The following CCSER1 variants were observed in gnomAD, a reference collection of about 807,000 sequenced individuals.
CCSER1 encodes coiled-coil serine rich protein 1, also known as serine-rich coiled-coil domain-containing protein 1.
Under a neutral mutation model 82.0 loss-of-function variants are expected in CCSER1, and 41 were observed. The ratio of observed to expected loss-of-function variants is 0.50; its 90% CI spans 0.39 to 0.65. The LOEUF (loss-of-function observed/expected upper bound fraction) is 0.65. CCSER1 is among the 30% of genes least tolerant of loss of function. The pLI is 0.00. For missense variants in CCSER1, 1,119 were observed against 1,064.2 expected, an observed-to-expected ratio of 1.05 and a Z score of -0.72; for synonymous variants, 414 against 383.9, an observed-to-expected ratio of 1.08 and a Z score of -0.92.
chr4:91,347,564 T>C (rs1412436747), intron 10 of CCSER1, among the ~76,000 whole-genome samples: 2 of 152,052 alleles, frequency 1.3e-5, no homozygotes, highest in East Asian at 1.9e-4. Flanking sequence ...TTGGGAAGAA[T>C]TGAAATCTTG....
chr4:91,570,006 A>T (rs1271015990), intron 10 of CCSER1, among the ~76,000 whole-genome samples: 1 of 152,170 alleles, frequency 6.6e-6, no homozygotes, highest in Non-Finnish European at 1.5e-5. Flanking sequence ...AAATACACCC[A>T]TTCCAAATGG....
chr4:90,863,088 G>A (rs55765718), intron 8 of CCSER1, among the ~76,000 whole-genome samples: 24,250 of 144,634 alleles, frequency 0.17, 2,336 homozygotes, highest in Non-Finnish European at 0.22. Flanking sequence ...ATCCCTCCCC[G>A]CTCCCCCCAC....
intron 3 of CCSER1, among the ~76,000 whole-genome samples, chr4:90,395,760 T>A (rs1470624890): frequency 1.3e-5 from 2 of 152,010 alleles, no homozygotes; most frequent in East Asian, 1.9e-4. Context: ...TTTGCTTGTG[T>A]TATTTAACAC....
chr4:91,030,993 C>G (rs1053554644), intron 9 of CCSER1, among the ~76,000 whole-genome samples: 5 of 152,130 alleles, frequency 3.3e-5, no homozygotes, highest in Non-Finnish European at 5.9e-5. Flanking sequence ...TAGTTTCAGA[C>G]TGTTAGCCAG....
chr4:91,288,327 G>T (rs576032114), intron 10 of CCSER1, among the ~76,000 whole-genome samples: 9 of 151,884 alleles, frequency 5.9e-5, no homozygotes, highest in African/African-American at 1.9e-4. Context: ...CCATCAGAGA[G>T]TTAAAGTCAC....
intron 5 of CCSER1, among the ~76,000 whole-genome samples, chr4:90,556,860 A>G (rs1196754561): frequency 1.3e-5 from 2 of 149,384 alleles, no homozygotes; most frequent in Non-Finnish European, 2.9e-5. Flanking sequence ...ATGTGTATAT[A>G]TATATATATA....
At chr4:90,905,244 G>C (rs1012704758) in intron 8 of CCSER1, among the ~76,000 whole-genome samples, 4 of 151,704 alleles carry the variant, frequency 2.6e-5, no homozygotes, top group African/African-American at 9.7e-5. Context: ...AAATACAATT[G>C]AATTGTGCTA....
chr4:90,784,262 G>A (rs1754183195), intron 7 of CCSER1, among the ~76,000 whole-genome samples: 3 of 152,126 alleles, frequency 2.0e-5, no homozygotes. Flanking sequence ...TGAAAAACCT[G>A]TCTTTTCCCC....
At chr4:91,543,893 TG>T (rs1335807901) in intron 10 of CCSER1, among the ~76,000 whole-genome samples, 1 of 152,254 alleles carries the variant, frequency 6.6e-6, no homozygotes, top group Non-Finnish European at 1.5e-5. Flanking sequence ...TCCGGCAGAT[TG>T]TTTTCCAACT....
intron 10 of CCSER1, among the ~76,000 whole-genome samples, chr4:91,313,226 T>C (rs923114311): frequency 2.6e-5 from 4 of 151,938 alleles, no homozygotes; most frequent in African/African-American, 7.2e-5. Flanking sequence ...AATATTTTTA[T>C]ATAATTAGTT....
intron 5 of CCSER1, among the ~76,000 whole-genome samples, chr4:90,532,709 T>C (rs1774700292): frequency 6.6e-6 from 1 of 152,212 alleles, no homozygotes; most frequent in South Asian, 2.1e-4. Context: ...TATGGACTTC[T>C]ACCAAAATTC....
At chr4:91,522,465 G>A (rs1353958363) in intron 10 of CCSER1, among the ~76,000 whole-genome samples, 1 of 152,166 alleles carries the variant, frequency 6.6e-6, no homozygotes, top group African/African-American at 2.4e-5. Flanking sequence ...ACCTTGGGCA[G>A]TATGGCCATT....
intron 5 of CCSER1, among the ~76,000 whole-genome samples, chr4:90,579,662 G>A (rs1215130626): frequency 6.6e-6 from 1 of 150,898 alleles, no homozygotes; most frequent in Non-Finnish European, 1.5e-5. Flanking sequence ...CTAATATAAA[G>A]TACCTGGGGG....
chr4:90,247,306 C>G (rs780229897), intron 1 of CCSER1, among the ~76,000 whole-genome samples: 1 of 152,096 alleles, frequency 6.6e-6, no homozygotes, highest in Admixed American at 6.6e-5. Context: ...ATTCTTATCT[C>G]GTACAGAGTT....
intron 5 of CCSER1, among the ~76,000 whole-genome samples, chr4:90,482,183 T>A (rs1273219036): frequency 6.6e-6 from 1 of 152,220 alleles, no homozygotes; most frequent in South Asian, 2.1e-4. Context: ...TATTCTCTGA[T>A]GGTAGTTTAT....
At chr4:90,599,374 C>G (rs1329154267) in intron 5 of CCSER1, among the ~76,000 whole-genome samples, 1 of 152,092 alleles carries the variant, frequency 6.6e-6, no homozygotes, top group Non-Finnish European at 1.5e-5. Flanking sequence ...TCTCTCTCCT[C>G]TCGCCATGTA....
At chr4:90,435,237 T>C (rs1490180659) in intron 4 of CCSER1, among the ~76,000 whole-genome samples, 2 of 152,120 alleles carry the variant, frequency 1.3e-5, no homozygotes, top group African/African-American at 4.8e-5. Context: ...CAGAAAATTT[T>C]CTGCAGACTT....
chr4:90,746,805 T>TA (rs1747557413), intron 7 of CCSER1, among the ~76,000 whole-genome samples: 1 of 152,232 alleles, frequency 6.6e-6, no homozygotes, highest in Non-Finnish European at 1.5e-5. Flanking sequence ...TCATTCTTAA[T>TA]ACACCAGACT....
intron 10 of CCSER1, among the ~76,000 whole-genome samples, chr4:91,202,958 A>G (rs940616814): frequency 6.6e-6 from 1 of 151,364 alleles, no homozygotes; most frequent in Non-Finnish European, 1.5e-5. Context: ...TGTTGTTGTT[A>G]AAGAATATCT....
Sources: allele counts gnomAD v4.1 joint callset (sites outside exome capture counted in the v4.1 genomes callset), GRCh38; gene constraint gnomAD v4.1.1; transcripts MANE v1.5; gene names NCBI Gene and HGNC (gene_info 2026-07-23, HGNC 2026-07-21).